DDRGK1: variants seen among roughly 807,000 people sequenced by gnomAD.
DDRGK1 encodes the protein DDRGK domain containing 1.
DDRGK1 carries 38 observed loss-of-function variants against 45.8 expected under a neutral mutation model. The observed-to-expected ratio is 0.83, with a 90% CI of 0.64 to 1.09. The LOEUF (loss-of-function observed/expected upper bound fraction) is 1.09. Ranked by LOEUF, DDRGK1 falls within the 50% of genes least tolerant of loss-of-function variation. DDRGK1 has a pLI of 0.00. For synonymous variants in DDRGK1, 171 were observed against 168.7 expected, an observed-to-expected ratio of 1.01 and a Z score of -0.11; for missense variants, 403 against 419.9, an observed-to-expected ratio of 0.96 and a Z score of 0.35.
At chr20:3,193,883 G>T (rs1358051351) in intron 6 of DDRGK1, among the ~76,000 whole-genome samples, 1 of 152,146 alleles carries the variant, frequency 6.6e-6, no homozygotes, top group Non-Finnish European at 1.5e-5. Flanking sequence ...TGCCTACTGG[G>T]TAGGTGGGGA....
At chr20:3,197,286 A>C (rs939668058) in intron 4 of DDRGK1, among the ~76,000 whole-genome samples, 8 of 151,636 alleles carry the variant, frequency 5.3e-5, no homozygotes, top group African/African-American at 1.9e-4. Context: ...GGAGAGACAT[A>C]TCTCCTGTAA....
intron 1 of DDRGK1, 91 bp downstream of exon 1, chr20:3,204,446 C>A: frequency 7.4e-7 from 1 of 1,353,254 alleles, no homozygotes; most frequent in Admixed American, 2.3e-5. Context: ...CCCAGGTGCG[C>A]ACGCGCAGGA....
intron 4 of DDRGK1, among the ~76,000 whole-genome samples, chr20:3,197,418 G>C (rs1299906444): frequency 6.6e-6 from 1 of 152,132 alleles, no homozygotes; most frequent in Non-Finnish European, 1.5e-5. Flanking sequence ...CATTACAGTG[G>C]AGAAAGCTGG....
At chr20:3,193,139 G>A (rs1366764788) in intron 6 of DDRGK1, among the ~76,000 whole-genome samples, 4 of 152,168 alleles carry the variant, frequency 2.6e-5, no homozygotes, top group African/African-American at 7.2e-5. Context: ...CAGGAAGATC[G>A]CCTGAGCCCA....
At chr20:3,196,552 G>C (rs1401421578) in intron 4 of DDRGK1, among the ~76,000 whole-genome samples, 2 of 151,310 alleles carry the variant, frequency 1.3e-5, no homozygotes, top group Non-Finnish European at 3.0e-5. Flanking sequence ...GTGGTGGTGG[G>C]CGCCTGTAGT....
At chr20:3,204,328 T>C (rs1424648555) in intron 1 of DDRGK1, among the ~76,000 whole-genome samples, 1 of 151,928 alleles carries the variant, frequency 6.6e-6, no homozygotes, top group Non-Finnish European at 1.5e-5. Context: ...GACTCTGGCT[T>C]GGAGTCGAGA....
chr20:3,201,668 T>C (rs2067040397), intron 2 of DDRGK1, among the ~76,000 whole-genome samples: 1 of 151,530 alleles, frequency 6.6e-6, no homozygotes, highest in Admixed American at 6.6e-5. Context: ...TTTGGTTTTT[T>C]TTTTTTTGAG....
chr20:3,190,940 CT>C, intron 8 of DDRGK1, 121 bp from the exon 9 acceptor site: 4 of 1,406,444 alleles, frequency 2.8e-6, no homozygotes, highest in Non-Finnish European at 3.8e-6. Flanking sequence ...CCTGCCTGGA[CT>C]TTCCTGGCTG....
In DDRGK1 at chr20:3,199,048, G is replaced by A. The variant is rs372537670; in HGVS notation, c.510+953C>T. On this transcript the variant is annotated intron_variant, in intron 4 of 8. Coordinates refer to ENST00000354488, the MANE Select transcript of DDRGK1 (RefSeq NM_023935.3). The stretch of plus-strand genomic sequence containing the variant: ...TATAGTCCCAGCTACTCGCAGGGAC[G>A]GGGAACTGAAGTGGGAGGATTGCTT... Among the ~76,000 whole-genome samples, 32 of 151,814 alleles carry A rather than the reference G, an allele frequency of 2.1e-4. No homozygotes were observed. The South Asian group carries it at 5.4e-3, about 26-fold the overall frequency.
chr20:3,193,465 G>A (rs574783002), intron 6 of DDRGK1, among the ~76,000 whole-genome samples: 285 of 152,252 alleles, frequency 1.9e-3, no homozygotes, highest in African/African-American at 6.8e-3. Context: ...CCACCTCCTG[G>A]GTTCAAGTGA....
intron 1 of DDRGK1, 149 bp from the exon 2 acceptor site, chr20:3,203,565 C>G: frequency 8.5e-7 from 1 of 1,182,562 alleles, no homozygotes; most frequent in Non-Finnish European, 1.1e-6. Context: ...ACTGGCAAGG[C>G]CTTTTCCACC....
At chr20:3,191,652 G>T in intron 7 of DDRGK1, 113 bp downstream of exon 7, 5 of 1,233,354 alleles carry the variant, frequency 4.1e-6, no homozygotes, top group Non-Finnish European at 5.8e-6. Flanking sequence ...ACTCACTCTT[G>T]GTTGGGGACA....
intron 6 of DDRGK1, 137 bp downstream of exon 6, chr20:3,194,693 C>T (rs771419769): frequency 2.6e-5 from 30 of 1,139,872 alleles, no homozygotes; most frequent in African/African-American, 7.7e-5. Context: ...CAGGACCCTG[C>T]GGCTCTGCCC....
chr20:3,200,310 TC>T (rs1254341616), intron 3 of DDRGK1, 31 bp downstream of exon 3: 1 of 1,550,122 alleles, frequency 6.5e-7, no homozygotes, highest in South Asian at 1.2e-5. Flanking sequence ...CTTTCGCACT[TC>T]CCAGAGCTGC....
At chr20:3,191,078 C>T (rs2066987545) in intron 8 of DDRGK1, 112 bp downstream of exon 8, 12 of 1,418,282 alleles carry the variant, frequency 8.5e-6, no homozygotes, top group Non-Finnish European at 1.1e-5. Context: ...TCCTTGCACA[C>T]CCCTCCCCCC....
intron 1 of DDRGK1, 111 bp from the exon 2 acceptor site, chr20:3,203,527 C>T (rs1600479061): frequency 7.4e-7 from 1 of 1,351,486 alleles, no homozygotes; most frequent in Non-Finnish European, 9.7e-7. Flanking sequence ...CTGCTGCCCA[C>T]AGCACAAGGC....
In DDRGK1 at chr20:3,203,290, C is replaced by A; in HGVS notation, c.218G>T (p.Arg73Leu). 1 of 1,607,658 alleles carries A rather than the reference C, an allele frequency of 6.2e-7. No individual in the cohort carries two copies. Among genetic ancestry groups the A allele is most frequent in the Middle Eastern group, 1.7e-4 (1 of 6,034 alleles). Reference sequence around the variant, plus strand: ...CTGGGCTCGACGCTGGGCCTGTAGGCGGCTGCCCAGGTCCCTCCGGCGCCG... The same window carrying A: ...CTGGGCTCGACGCTGGGCCTGTAGGAGGCTGCCCAGGTCCCTCCGGCGCCG... ...RPRRRRDLGS[R>L]LQAQRRAQRV... Residue 73 changes from arginine (R) to leucine (L), a missense_variant, in exon 2 of 9, where the codon CGC (arginine) becomes CTC (leucine). Arg to Leu is a moderately radical substitution (Grantham distance 102). Transcript: ENST00000354488.
chr20:3,192,752 A>C (rs1007667547), intron 6 of DDRGK1, among the ~76,000 whole-genome samples: 4 of 152,222 alleles, frequency 2.6e-5, no homozygotes, highest in African/African-American at 9.7e-5. Flanking sequence ...ACTTGAGAAA[A>C]GGCAGTTCTT....
rs1024806840 is a variant in DDRGK1 at position 3,199,858 on chromosome 20, C to T, written c.510+143G>A. 8.6e-6 allele frequency: 6 copies of T among 700,234 alleles called. No homozygotes were observed. In the African/African-American group the frequency reaches 9.2e-5, roughly 11 times the overall value. The allele number at this position is 700,234 out of a possible 1,614,324, so 43.4% of individuals were successfully genotyped here. A position where few individuals can be genotyped will look rare whatever the true frequency, so the allele number is the denominator to read the frequency against. Reference sequence around the variant, plus strand: ...GTGGCTTTTCTAGGCTGTGGTGGAGCCTAGGGACCAAATAAACCAGGACCT... The same window carrying T: ...GTGGCTTTTCTAGGCTGTGGTGGAGTCTAGGGACCAAATAAACCAGGACCT... On this transcript the variant is annotated intron_variant, in intron 4 of 8. Transcript: ENST00000354488.
Sources: allele counts gnomAD v4.1 joint callset (sites outside exome capture counted in the v4.1 genomes callset), GRCh38; gene constraint gnomAD v4.1.1; transcripts MANE v1.5; gene names NCBI Gene and HGNC (gene_info 2026-07-23, HGNC 2026-07-21).